The following CYTH1 variants were observed in gnomAD, a reference collection of about 807,000 sequenced individuals.
CYTH1 encodes cytohesin 1.
Under a neutral mutation model 61.8 loss-of-function variants are expected in CYTH1, and 18 were observed. That is an observed-to-expected ratio of 0.29 (90% CI 0.20 to 0.43). The LOEUF is 0.43. Among genes scored for constraint, CYTH1 ranks in the 20% least tolerant of loss-of-function variants. The probability of loss-of-function intolerance (pLI) is 1.00; values close to 1 mark genes in which losing one functional copy is unlikely to be tolerated. For missense variants in CYTH1, 336 were observed against 510.5 expected (o/e 0.66, Z 3.29); for synonymous variants, 174 against 184.3 (o/e 0.94, Z 0.45).
chr17:78,711,516 T>C (rs2093132303), intron 1 of CYTH1, among the ~76,000 whole-genome samples: 5 of 152,042 alleles, frequency 3.3e-5, no homozygotes, highest in Non-Finnish European at 7.4e-5. Context: ...GGAATTAACA[T>C]CTCTGCTTGA....
intron 1 of CYTH1, among the ~76,000 whole-genome samples, chr17:78,777,805 T>G (rs1356303685): frequency 1.4e-5 from 2 of 141,184 alleles, no homozygotes; most frequent in African/African-American, 2.7e-5. Context: ...GCTAACATGG[T>G]GAAACCCCAT....
rs548148233 is a variant in CYTH1, at chr17:78,680,906, T to A, written c.963+65A>T. ...TTCAGTTTTTTGGTTTTGAGTTTTTTAAAAAAAATCTTTGAAATGCCCATC... is the reference window on the plus strand; with the variant it reads ...TTCAGTTTTTTGGTTTTGAGTTTTTAAAAAAAAATCTTTGAAATGCCCATC... On this transcript the variant is annotated intron_variant, in intron 12 of 13. Coordinates refer to ENST00000446868, the MANE Select transcript of CYTH1 (RefSeq NM_004762.6). The A allele has an allele frequency of 2.9e-5, 45 of 1,551,464 alleles. No homozygotes were observed. The South Asian group carries it at 3.5e-4, about 12-fold the overall frequency.
chr17:78,680,820 C>A, intron 12 of CYTH1, 151 bp downstream of exon 12: 8 of 797,874 alleles, frequency 1.0e-5, no homozygotes, highest in Non-Finnish European at 1.7e-5. Context: ...GATTTCGAGT[C>A]TCATCTTTGG....
Position 78,708,239 on chromosome 17 carries a change from T to C in CYTH1, c.128A>G (p.Glu43Gly), listed in dbSNP as rs758011881. 6.2e-7 allele frequency: 1 copy of C among 1,613,500 alleles called. No individual in the cohort carries two copies. The highest frequency in any genetic ancestry group is 1.1e-5 in the South Asian group (1 of 90,984). Residue 43 changes from glutamate to glycine, a missense_variant, in exon 3 of 14, where the codon GAA (glutamate) becomes GGA (glycine). Physicochemically the swap from Glu to Gly is moderately conservative, Grantham distance 98. This residue lies in a region of CYTH1 where 112 missense variants were observed against 127.1 expected (regional missense o/e 0.88). Transcript: ENST00000446868. ...DIQRLKDEIA[E>G]VANEIENLGS... ...CAGGTTTTCAATTTCATTAGCTACT[T>C]CTGCTATCTCATCCTTCAGCCTCTA...
rs1458196854 is a variant in CYTH1 at position 78,695,994 on chromosome 17, G to C, written c.814+13C>G. 7 of 1,367,810 alleles carry C rather than the reference G, an allele frequency of 5.1e-6. No homozygotes were observed. The highest frequency in any genetic ancestry group is 6.8e-6 in the Non-Finnish European group (7 of 1,022,018). 84.7% of individuals were successfully genotyped at this position (1,367,810 alleles called of 1,614,324 possible). A position where few individuals can be genotyped will look rare whatever the true frequency, so the allele number is the denominator to read the frequency against. On this transcript the variant is annotated intron_variant, in intron 10 of 13. Transcript: ENST00000446868. The stretch of plus-strand genomic sequence containing the variant: ...GCCTAGCAGAGCGAGCGAGCAGGCT[G>C]AGGGTTACATACCTCCTGGAGTTTG...
chr17:78,776,691 T>G (rs2093492729), intron 1 of CYTH1, among the ~76,000 whole-genome samples: 1 of 150,396 alleles, frequency 6.6e-6, no homozygotes, highest in African/African-American at 2.4e-5. Context: ...ACACACAGTA[T>G]GCATGTTATA....
At position 78,698,978 on chromosome 17, in the gene CYTH1, A is replaced by C. The variant is rs1437621232; in HGVS notation, c.551-10T>G. On this transcript the variant is annotated splice_polypyrimidine_tract_variant and intron_variant, in intron 7 of 13. Coordinates refer to ENST00000446868, the MANE Select transcript of CYTH1 (RefSeq NM_004762.6). The stretch of plus-strand genomic sequence containing the variant: ...AGGACGTAACAAGTATCTAAAGATG[A>C]GAGAAAAGCAAAGGGGAGCCGTTGC... 1 of 1,609,234 alleles carries C rather than the reference A, an allele frequency of 6.2e-7. No individual in the cohort carries two copies. The highest frequency in any genetic ancestry group is 8.5e-7 in the Non-Finnish European group (1 of 1,178,492).
At chr17:78,729,085 G>A (rs1055897610) in intron 1 of CYTH1, among the ~76,000 whole-genome samples, 11 of 152,198 alleles carry the variant, frequency 7.2e-5, no homozygotes, top group African/African-American at 2.6e-4. Context: ...ATATGACAAA[G>A]GGTTAATATC....
At chr17:78,699,463 A>G (rs2092985384) in intron 7 of CYTH1, among the ~76,000 whole-genome samples, 2 of 152,208 alleles carry the variant, frequency 1.3e-5, no homozygotes, top group East Asian at 3.8e-4. Context: ...CAAGGCACGA[A>G]AAAGTATATA....
At chr17:78,681,837 C>CAAAAAA (rs35074589) in intron 11 of CYTH1, among the ~76,000 whole-genome samples, 1 of 72,486 alleles carries the variant, frequency 1.4e-5, no homozygotes, top group East Asian at 3.5e-4. Context: ...GACTCTGTCT[C>CAAAAAA]AAAAAAAAAA....
At chr17:78,758,807 T>C (rs1199560119) in intron 1 of CYTH1, among the ~76,000 whole-genome samples, 3 of 152,202 alleles carry the variant, frequency 2.0e-5, no homozygotes, top group East Asian at 1.9e-4. Flanking sequence ...AATTCATGCA[T>C]AGACATCATC....
chr17:78,687,452 T>G (rs1038567010), intron 11 of CYTH1, among the ~76,000 whole-genome samples: 1 of 152,172 alleles, frequency 6.6e-6, no homozygotes, highest in Non-Finnish European at 1.5e-5. Flanking sequence ...CCACTGTCAT[T>G]TGCGATCTCA....
chr17:78,752,782 A>G (rs1192640661), intron 1 of CYTH1, among the ~76,000 whole-genome samples: 1 of 152,200 alleles, frequency 6.6e-6, no homozygotes, highest in African/African-American at 2.4e-5. Flanking sequence ...CCATGTAAAT[A>G]TAAGTAAGGT....
chr17:78,781,821 C>T (rs1039603019), intron 1 of CYTH1, among the ~76,000 whole-genome samples: 2 of 151,666 alleles, frequency 1.3e-5, no homozygotes, highest in African/African-American at 2.4e-5. Context: ...CCCCGGGGAC[C>T]CCAGCGACCC....
rs9913750 is a variant in CYTH1, at chr17:78,713,585, T to G, written c.23-3853A>C. On this transcript the variant is annotated intron_variant, in intron 1 of 13. Coordinates refer to ENST00000446868, the MANE Select transcript of CYTH1 (RefSeq NM_004762.6). ...TGCTATATACCCTGAGAAGCCAACT[T>G]GTATCATTCTAAACTGGAAACTCTA... 3.9e-3 allele frequency among the ~76,000 whole-genome samples: 583 copies of G among 151,220 alleles called. 2 individuals are homozygous for G. Among genetic ancestry groups the G allele is most frequent in the African/African-American group, 0.013 (549 of 41,068 alleles).
intron 1 of CYTH1, among the ~76,000 whole-genome samples, chr17:78,710,340 C>T (rs1598864310): frequency 6.6e-6 from 1 of 152,180 alleles, no homozygotes; most frequent in Non-Finnish European, 1.5e-5. Context: ...CTGCTTCATA[C>T]CTTTCTTCAT....
At chr17:78,756,446 G>C (rs557903225) in intron 1 of CYTH1, among the ~76,000 whole-genome samples, 1 of 152,042 alleles carries the variant, frequency 6.6e-6, no homozygotes, top group African/African-American at 2.4e-5. Flanking sequence ...TTAAAACAAG[G>C]AGAAGGAACC....
chr17:78,686,595 G>A (rs2092819071), intron 11 of CYTH1, among the ~76,000 whole-genome samples: 2 of 152,088 alleles, frequency 1.3e-5, no homozygotes, highest in Non-Finnish European at 2.9e-5. Flanking sequence ...CCGAGTTCTG[G>A]TCTTTCCTCT....
At chr17:78,715,536 A>G (rs192082912) in intron 1 of CYTH1, among the ~76,000 whole-genome samples, 45 of 152,342 alleles carry the variant, frequency 3.0e-4, no homozygotes, top group Admixed American at 2.6e-3. Context: ...GCCATCAGAA[A>G]GAATGAAATC....
Sources: gnomAD v4.1 joint callset for allele counts (sites outside exome capture counted in the v4.1 genomes callset) on GRCh38, gnomAD v4.1.1 for gene constraint, gnomAD v4.1.1 regional missense constraint, MANE v1.5 for transcripts, NCBI Gene and HGNC (gene_info 2026-07-23, HGNC 2026-07-21) for gene names.